The following JMJD1C variants were observed in gnomAD, a reference collection of about 807,000 sequenced individuals.
JMJD1C encodes the protein jumonji domain containing 1C.
JMJD1C carries 31 observed loss-of-function variants against 245.3 expected under a neutral mutation model. The ratio of observed to expected loss-of-function variants is 0.13; its 90% CI spans 0.09 to 0.17. JMJD1C has a LOEUF of 0.17. JMJD1C is among the 10% of genes least tolerant of loss of function. JMJD1C has a pLI of 1.00. For missense variants in JMJD1C, 2,691 were observed against 3,000.2 expected, an observed-to-expected ratio of 0.90 and a Z score of 2.41; for synonymous variants, 1,057 against 1,017.4, an observed-to-expected ratio of 1.04 and a Z score of -0.74.
intron 2 of JMJD1C, among the ~76,000 whole-genome samples, chr10:63,282,288 T>C (rs542241634): frequency 6.6e-6 from 1 of 152,346 alleles, no homozygotes; most frequent in Admixed American, 6.5e-5. Flanking sequence ...TATGATACGA[T>C]GCAGTATCTA....
At chr10:63,319,262 A>G (rs1294755004) in intron 2 of JMJD1C, among the ~76,000 whole-genome samples, 1 of 150,914 alleles carries the variant, frequency 6.6e-6, no homozygotes, top group Admixed American at 6.6e-5. Flanking sequence ...ATCTAAAAAA[A>G]AAAAAAAAAA....
At chr10:63,240,805 A>C (rs1198148379) in intron 3 of JMJD1C, among the ~76,000 whole-genome samples, 1 of 152,180 alleles carries the variant, frequency 6.6e-6, no homozygotes, top group Non-Finnish European at 1.5e-5. Flanking sequence ...GCTTTTTAAA[A>C]CATAAGGCAG....
chr10:63,180,763 C>G (rs989729611), intron 22 of JMJD1C, among the ~76,000 whole-genome samples: 42 of 133,326 alleles, frequency 3.2e-4, no homozygotes, highest in African/African-American at 1.0e-3. Context: ...CCACCATGCA[C>G]AGCTAATTTT....
chr10:63,510,913 G>A (rs943810409), intron 1 of JMJD1C, among the ~76,000 whole-genome samples: 7 of 152,124 alleles, frequency 4.6e-5, no homozygotes, highest in Admixed American at 2.6e-4. Context: ...TATCTTCTTG[G>A]ATTACTTACC....
chr10:63,413,209 A>C (rs1949590065), intron 1 of JMJD1C, among the ~76,000 whole-genome samples: 1 of 152,198 alleles, frequency 6.6e-6, no homozygotes, highest in South Asian at 2.1e-4. Flanking sequence ...GTTATCTCTT[A>C]AAGAGGTAAC....
chr10:63,214,545 A>C lies in JMJD1C; in HGVS notation c.1622T>G (p.Val541Gly), dbSNP rs1250794259. Reference sequence around the variant, plus strand: ...TGCAATAGAGTGTTTTGAATCACTAACATTAGGATCCATTTTCTGAAGTGT... The same window carrying C: ...TGCAATAGAGTGTTTTGAATCACTACCATTAGGATCCATTTTCTGAAGTGT... The part of the protein sequence containing the change: ...LQTLQKMDPN[V>G]SDSKHSIANA... Residue 541 changes from valine (V) to glycine (G), a missense_variant, in exon 8 of 26, where the codon GTT (valine) becomes GGT (glycine). Physicochemically the swap from Val to Gly is moderately radical, Grantham distance 109 (BLOSUM62 -3). Transcript: ENST00000399262. The C allele has an allele frequency of 1.9e-6, 3 of 1,613,910 alleles. No homozygotes were observed. Among genetic ancestry groups the C allele is most frequent in the Non-Finnish European group, 2.5e-6 (3 of 1,179,950 alleles).
chr10:63,215,317 T>C lies in JMJD1C; in HGVS notation c.961A>G (p.Ile321Val), dbSNP rs1589171012. The C allele has an allele frequency of 1.9e-6, 3 of 1,614,154 alleles. No homozygotes were observed. Among genetic ancestry groups the C allele is most frequent in the East Asian group, 4.5e-5 (2 of 44,886 alleles). Residue 321 changes from isoleucine to valine, a missense_variant, in exon 7 of 26, where the codon ATA becomes GTA. Physicochemically the swap from Ile to Val is conservative, Grantham distance 29. This residue lies in a region of JMJD1C where 1,562 missense variants were observed against 1,490.7 expected (regional missense o/e 1.05). Transcript: ENST00000399262. ...PNKRKGSDSS[I>V]PDEEKMKEEK... is the part of the protein sequence containing the mutation. ...TCCTTCATCTTCTCTTCATCTGGTA[T>C]ACTGCTATCTGAGCCCTTCCTCTTA... is the stretch of plus-strand genomic sequence containing the variant.
chr10:63,484,646 TA>T (rs1163999757), intron 1 of JMJD1C, among the ~76,000 whole-genome samples: 13 of 149,874 alleles, frequency 8.7e-5, no homozygotes, highest in Admixed American at 2.0e-4. Context: ...TCTCTTAACT[TA>T]AAAAAAAAGG....
At chr10:63,369,742 T>G (rs756873194) in intron 2 of JMJD1C, among the ~76,000 whole-genome samples, 1 of 152,198 alleles carries the variant, frequency 6.6e-6, no homozygotes, top group Non-Finnish European at 1.5e-5. Flanking sequence ...GCATAGCCTA[T>G]ACACCAAAGA....
chr10:63,450,434 A>G (rs182550019), intron 1 of JMJD1C, among the ~76,000 whole-genome samples: 16 of 152,250 alleles, frequency 1.1e-4, no homozygotes, highest in Non-Finnish European at 8.8e-5. Flanking sequence ...GCCTGGGTAA[A>G]AGAGTGAGAT....
chr10:63,299,887 G>GT (rs562533327), intron 2 of JMJD1C, among the ~76,000 whole-genome samples: 7,576 of 144,406 alleles, frequency 0.052, 224 homozygotes, highest in Non-Finnish European at 0.074. Context: ...TGAATTTTCA[G>GT]TTTTTTTTTT....
In JMJD1C at chr10:63,222,606, G is replaced by A. The variant is rs568392880; in HGVS notation, c.448-2623C>T. ...AAATTACCAATGTTTCTTCATTGTC[G>A]AAACTCACATGCTGAATTTTTGGAC... On this transcript the variant is annotated intron_variant, in intron 3 of 25. Transcript: ENST00000399262. 152 of 1,596,304 alleles carry A rather than the reference G, an allele frequency of 9.5e-5. 3 individuals are homozygous for A. The South Asian group carries it at 1.2e-3, about 12-fold the overall frequency.
intron 1 of JMJD1C, among the ~76,000 whole-genome samples, chr10:63,392,869 C>CACACAT (rs1554918166): frequency 2.4e-5 from 2 of 83,558 alleles, no homozygotes; most frequent in African/African-American, 4.9e-5. Context: ...AGTACATAAA[C>CACACAT]ACACACACAC....
intron 1 of JMJD1C, among the ~76,000 whole-genome samples, chr10:63,412,469 G>A (rs1949545131): frequency 6.6e-6 from 1 of 152,148 alleles, no homozygotes; most frequent in Admixed American, 6.5e-5. Flanking sequence ...TAGTGGAGAG[G>A]TCAACTACTC....
intron 2 of JMJD1C, among the ~76,000 whole-genome samples, chr10:63,300,873 C>A (rs904025245): frequency 7.2e-5 from 10 of 138,684 alleles, no homozygotes; most frequent in South Asian, 2.4e-4. Context: ...GCTTGGGCAA[C>A]AGATTGAGAC....
rs150976745 is a variant in JMJD1C, at chr10:63,254,505, G to C, written c.447+10146C>G. Among the ~76,000 whole-genome samples, 12 of 152,308 alleles carry C rather than the reference G, an allele frequency of 7.9e-5. No homozygotes were observed. The East Asian group carries it at 1.5e-3, about 20-fold the overall frequency. ...ACTGGATGGCTCACAAAGGCAGGCA[G>C]TGTAACAGAAATAATATCTTATACT... On this transcript the variant is annotated intron_variant, in intron 3 of 25. Coordinates refer to ENST00000399262, the MANE Select transcript of JMJD1C (RefSeq NM_032776.3).
chr10:63,219,776 C>T (rs1164228923), intron 4 of JMJD1C, 102 bp downstream of exon 4: 4 of 677,156 alleles, frequency 5.9e-6, no homozygotes, highest in East Asian at 2.5e-5. Context: ...AAATATTGGA[C>T]TGGGCCTTCT....
At chr10:63,313,858 T>C (rs1280673449) in intron 2 of JMJD1C, among the ~76,000 whole-genome samples, 1 of 152,222 alleles carries the variant, frequency 6.6e-6, no homozygotes, top group Non-Finnish European at 1.5e-5. Flanking sequence ...GTATACACTG[T>C]GAGGATTTTC....
At chr10:63,513,718 C>T (rs879926240) in intron 1 of JMJD1C, among the ~76,000 whole-genome samples, 6 of 152,100 alleles carry the variant, frequency 3.9e-5, no homozygotes, top group Non-Finnish European at 7.3e-5. Flanking sequence ...CGAGACCATC[C>T]TGGCTAACAC....
Sources: allele counts gnomAD v4.1 joint callset (sites outside exome capture counted in the v4.1 genomes callset), GRCh38; gene constraint gnomAD v4.1.1; regional missense constraint gnomAD v4.1.1; transcripts MANE v1.5; gene names NCBI Gene and HGNC (gene_info 2026-07-23, HGNC 2026-07-21).